The following SLC7A14 variants were observed in gnomAD, a reference collection of about 807,000 sequenced individuals.
SLC7A14 encodes the protein gamma-aminobutyric acid transporter SLC7A14.
SLC7A14 carries 37 observed loss-of-function variants against 60.2 expected under a neutral mutation model. That is an observed-to-expected ratio of 0.61 (90% confidence interval 0.47 to 0.81). The LOEUF is 0.81. Ranked by LOEUF, SLC7A14 falls within the 30% of genes least tolerant of loss-of-function variation. The pLI, the probability that SLC7A14 is intolerant of heterozygous loss-of-function variation, is 0.00. For missense variants in SLC7A14, 886 were observed against 982.7 expected (o/e 0.90, Z 1.32); for synonymous variants, 399 against 395.8 (o/e 1.01, Z -0.10).
chr3:170,541,280 C>T (rs1489915796), intron 1 of SLC7A14, among the ~76,000 whole-genome samples: 1 of 152,092 alleles, frequency 6.6e-6, no homozygotes, highest in African/African-American at 2.4e-5. Context: ...AAATATTAAG[C>T]AACTGTTAAA....
In SLC7A14 at chr3:170,460,028, A is replaced by T. The variant is rs1377473891; in HGVS notation, c.*7027T>A. 1 of 152,220 alleles carries T rather than the reference A, an allele frequency of 6.6e-6. No homozygotes were observed. Among genetic ancestry groups the T allele is most frequent in the South Asian group, 2.1e-4 (1 of 4,830 alleles). 9.4% of individuals were successfully genotyped at this position (152,220 alleles called of 1,614,324 possible). On this transcript the variant is annotated 3_prime_UTR_variant, in exon 8 of 8. Coordinates refer to ENST00000231706, the MANE Select transcript of SLC7A14 (RefSeq NM_020949.3). Reference sequence around the variant, plus strand: ...CACATTTGAAAATAAAACACATTTCATAATACATCTGCATATTATTTCTTT... The same window carrying T: ...CACATTTGAAAATAAAACACATTTCTTAATACATCTGCATATTATTTCTTT...
chr3:170,498,106 G>A (rs1268824487), intron 4 of SLC7A14, among the ~76,000 whole-genome samples: 1 of 152,170 alleles, frequency 6.6e-6, no homozygotes, highest in Admixed American at 6.5e-5. Flanking sequence ...CTTCCCTACT[G>A]TCCCCTTTCC....
intron 1 of SLC7A14, among the ~76,000 whole-genome samples, chr3:170,574,218 T>TATA (rs1407499042): frequency 2.6e-5 from 4 of 152,182 alleles, no homozygotes; most frequent in Admixed American, 1.3e-4. Context: ...TCCTGAGAAG[T>TATA]TATGTATAAA....
At chr3:170,505,229 C>G (rs1712740992) in intron 2 of SLC7A14, among the ~76,000 whole-genome samples, 1 of 152,062 alleles carries the variant, frequency 6.6e-6, no homozygotes, top group Non-Finnish European at 1.5e-5. Context: ...GGAAGACCAT[C>G]ATCAACAACA....
At chr3:170,511,761 A>G (rs1234072876) in intron 2 of SLC7A14, among the ~76,000 whole-genome samples, 1 of 152,188 alleles carries the variant, frequency 6.6e-6, no homozygotes, top group Non-Finnish European at 1.5e-5. Flanking sequence ...AAGGTTAGAA[A>G]TCATCCAGAG....
intron 2 of SLC7A14, among the ~76,000 whole-genome samples, chr3:170,510,869 C>T (rs183063451): frequency 2.2e-4 from 33 of 152,338 alleles, no homozygotes; most frequent in Non-Finnish European, 4.4e-4. Flanking sequence ...CGCATGTTTT[C>T]TTGGCATCTA....
chr3:170,524,972 A>G (rs1713445797), intron 2 of SLC7A14, among the ~76,000 whole-genome samples: 1 of 152,258 alleles, frequency 6.6e-6, no homozygotes, highest in Non-Finnish European at 1.5e-5. Context: ...TTCTGGTTGC[A>G]TGCTTGTAGT....
At chr3:170,574,480 CT>C (rs1232593596) in intron 1 of SLC7A14, among the ~76,000 whole-genome samples, 1 of 152,172 alleles carries the variant, frequency 6.6e-6, no homozygotes, top group East Asian at 1.9e-4. Flanking sequence ...TCTGGGTGAG[CT>C]TTGCCTTATT....
intron 2 of SLC7A14, among the ~76,000 whole-genome samples, chr3:170,510,392 A>AAAC (rs1560264075): frequency 7.3e-6 from 1 of 137,482 alleles, no homozygotes; most frequent in East Asian, 2.3e-4. Context: ...TCTGTCAAAA[A>AAAC]AAAAAAAATA....
intron 1 of SLC7A14, among the ~76,000 whole-genome samples, chr3:170,584,345 C>G (rs1223131886): frequency 6.6e-6 from 1 of 152,224 alleles, no homozygotes; most frequent in Non-Finnish European, 1.5e-5. Context: ...TGTAGCCTAA[C>G]AATTCTCTGA....
At chr3:170,581,854 G>A (rs1398554789) in intron 1 of SLC7A14, among the ~76,000 whole-genome samples, 2 of 152,134 alleles carry the variant, frequency 1.3e-5, no homozygotes, top group East Asian at 1.9e-4. Context: ...CAAGTAGTAT[G>A]TGACACCTGT....
In SLC7A14 at chr3:170,486,254, A is replaced by T; in HGVS notation, c.874T>A (p.Ser292Thr). 6.2e-7 allele frequency: 1 copy of T among 1,614,162 alleles called. No homozygotes were observed. Among genetic ancestry groups the T allele is most frequent in the Non-Finnish European group, 8.5e-7 (1 of 1,180,032 alleles). Residue 292 changes from serine to threonine, a missense_variant, in exon 5 of 8, where the codon TCC becomes ACC. Transcript: ENST00000231706. ...TATGCTGTCAGGCAGATGACCAGGG[A>T]GGCAGTGATAGCATAAGGGATGGAC... ...NTSIPYAITA[S>T]LVICLTAYVS...
At chr3:170,503,343 T>C (rs1175569182) in intron 2 of SLC7A14, among the ~76,000 whole-genome samples, 2 of 152,178 alleles carry the variant, frequency 1.3e-5, no homozygotes, top group Non-Finnish European at 1.5e-5. Context: ...GAGGAAATGG[T>C]CTTTGAAGAA....
chr3:170,563,413 G>GTTTTTT lies in SLC7A14; in HGVS notation c.-153+22497_-153+22498insAAAAAA, dbSNP rs200599026. 1.9e-4 allele frequency among the ~76,000 whole-genome samples: 21 copies of GTTTTTT among 111,328 alleles called. 2 individuals carry two copies. The highest frequency in any genetic ancestry group is 6.1e-4 in the South Asian group (2 of 3,274). 73.0% of individuals were successfully genotyped at this position (111,328 alleles called of 152,430 possible). A position where few individuals can be genotyped will look rare whatever the true frequency, so the allele number is the denominator to read the frequency against. Reference sequence around the variant, plus strand: ...TCAGTTCAACAAACACTGTTTGTTTGTTTGTTTTTTTTTTTTTTTTTTGAG... The same window carrying GTTTTTT: ...TCAGTTCAACAAACACTGTTTGTTTGTTTTTTTTTGTTTTTTTTTTTTTTTTTTGAG... On this transcript the variant is annotated intron_variant, in intron 1 of 7. Coordinates refer to ENST00000231706, the MANE Select transcript of SLC7A14 (RefSeq NM_020949.3).
At chr3:170,479,024 AGGCAGGAGAATTGCTTGAACCTGGT>A (rs1711722565) in intron 7 of SLC7A14, among the ~76,000 whole-genome samples, 1 of 152,182 alleles carries the variant, frequency 6.6e-6, no homozygotes, top group Non-Finnish European at 1.5e-5. Context: ...CAGGAGGCTG[AGGCAGGAGAATTGCTTGAACCTGGT>A]TGGCGGAGGT....
At chr3:170,496,430 C>T in intron 4 of SLC7A14, 1 of 1,279,592 alleles carries the variant, frequency 7.8e-7, no homozygotes, top group South Asian at 1.2e-5. Context: ...CCCTGGAGGC[C>T]CCCATCGCAG....
chr3:170,536,793 C>T (rs187073641), intron 1 of SLC7A14, among the ~76,000 whole-genome samples: 2 of 152,286 alleles, frequency 1.3e-5, no homozygotes, highest in Non-Finnish European at 2.9e-5. Flanking sequence ...CATAAGGTGG[C>T]TTTTTGCACA....
chr3:170,555,261 G>A (rs763955258), intron 1 of SLC7A14, among the ~76,000 whole-genome samples: 8 of 151,642 alleles, frequency 5.3e-5, no homozygotes, highest in Admixed American at 2.0e-4. Context: ...GGAAATACAG[G>A]GAGTGTGAAG....
intron 4 of SLC7A14, among the ~76,000 whole-genome samples, chr3:170,496,926 C>G (rs1460711373): frequency 1.3e-5 from 2 of 152,054 alleles, no homozygotes; most frequent in African/African-American, 4.8e-5. Flanking sequence ...TACTGTGGCT[C>G]CCCCAGAGCC....
Sources: gnomAD v4.1 joint callset for allele counts (sites outside exome capture counted in the v4.1 genomes callset) on GRCh38, gnomAD v4.1.1 for gene constraint, MANE v1.5 for transcripts, NCBI Gene and HGNC (gene_info 2026-07-23, HGNC 2026-07-21) for gene names.